DPY19L4: variants seen among roughly 807,000 people sequenced by gnomAD.
DPY19L4 encodes the protein probable C-mannosyltransferase DPY19L4.
DPY19L4 carries 97 observed loss-of-function variants against 102.8 expected under a neutral mutation model. The ratio of observed to expected loss-of-function variants is 0.94; its 90% CI spans 0.80 to 1.12. The LOEUF is 1.12. Ranked by LOEUF, DPY19L4 falls within the 50% of genes most tolerant of loss-of-function variation. The pLI is 0.00. For missense variants in DPY19L4, 815 were observed against 850.4 expected, an observed-to-expected ratio of 0.96 and a Z score of 0.52; for synonymous variants, 252 against 283.1, an observed-to-expected ratio of 0.89 and a Z score of 1.10.
At chr8:94,780,486 T>C (rs1372730115) in intron 15 of DPY19L4, 71 bp downstream of exon 15, 4 of 1,002,766 alleles carry the variant, frequency 4.0e-6, no homozygotes, top group East Asian at 5.7e-5. Flanking sequence ...TTTATATGTG[T>C]GGGTAGGAAA....
chr8:94,761,707 G>A lies in DPY19L4; in HGVS notation c.743G>A (p.Cys248Tyr). The A allele has an allele frequency of 1.3e-6, 2 of 1,593,584 alleles. No homozygotes were observed. The highest frequency in any genetic ancestry group is 1.7e-6 in the Non-Finnish European group (2 of 1,173,062). Residue 248 changes from cysteine (C) to tyrosine (Y), a missense_variant, in exon 8 of 19, where the codon TGC becomes TAC. Transcript: ENST00000414645. ...TTCATTTGTTTTCCCTAGAGGTTTT[G>A]CTACTTGTTGATGAGTGCTTCAACT... ...SNLNTYGERF[C>Y]YLLMSASTYT...
chr8:94,789,524 C>G (rs1290449208), intron 18 of DPY19L4, among the ~76,000 whole-genome samples: 2 of 151,986 alleles, frequency 1.3e-5, no homozygotes, highest in African/African-American at 2.4e-5. Context: ...AAATTGGAAA[C>G]CTTTGTGCTG....
At chr8:94,768,276 T>A in intron 11 of DPY19L4, 119 bp from the exon 12 acceptor site, 2 of 732,624 alleles carry the variant, frequency 2.7e-6, no homozygotes, top group Non-Finnish European at 2.2e-6. Flanking sequence ...CTTGCTAATA[T>A]AAGTAAACGG....
intron 16 of DPY19L4, among the ~76,000 whole-genome samples, chr8:94,781,751 A>G (rs1359760403): frequency 1.3e-5 from 2 of 152,248 alleles, no homozygotes; most frequent in African/African-American, 2.4e-5. Context: ...TCTCTCTTGC[A>G]TTCATCTCTT....
At chr8:94,756,273 C>G in intron 7 of DPY19L4, 114 bp downstream of exon 7, 2 of 1,374,228 alleles carry the variant, frequency 1.5e-6, no homozygotes, top group Non-Finnish European at 2.0e-6. Context: ...TTTAATGAAG[C>G]CTGGTTACTA....
rs778540423 is a variant in DPY19L4 at position 94,788,095 on chromosome 8, A to ATATATATATATATATATATATATTTTTT, written c.2007+44_2007+45insATATATATATATATATATATATTTTTTT. Reference sequence around the variant, plus strand: ...AAGTTATATATATGTATATATATATATTTTTTTTTTAGAAAAATGACTTTA... The same window carrying ATATATATATATATATATATATATTTTTT: ...AAGTTATATATATGTATATATATATATATATATATATATATATATATATTTTTTTTTTTTTTTTAGAAAAATGACTTTA... On this transcript the variant is annotated intron_variant, in intron 18 of 18. Transcript: ENST00000414645. The ATATATATATATATATATATATATTTTTT allele has an allele frequency of 1.8e-5, 17 of 939,244 alleles. No individual in the cohort carries two copies. In the African/African-American group the frequency reaches 4.0e-4, roughly 22 times the overall value. The allele number at this position is 939,244 out of a possible 1,614,324, so 58.2% of individuals were successfully genotyped here.
At chr8:94,752,669 A>AT (rs564060608) in intron 6 of DPY19L4, among the ~76,000 whole-genome samples, 2,834 of 127,702 alleles carry the variant, frequency 0.022, 67 homozygotes, top group African/African-American at 0.059. Context: ...TTTTTTTACG[A>AT]TTTTTTTTTT....
At chr8:94,783,949 T>A (rs4236830) in intron 17 of DPY19L4, 147 bp downstream of exon 17, 766,721 of 888,952 alleles carry the variant, frequency 0.86, 331,650 homozygotes, top group East Asian at 0.96. Flanking sequence ...AAAAACCTTT[T>A]TAATTAATAA....
intron 11 of DPY19L4, among the ~76,000 whole-genome samples, chr8:94,768,184 C>T (rs1812761385): frequency 6.6e-6 from 1 of 152,116 alleles, no homozygotes; most frequent in African/African-American, 2.4e-5. Context: ...AGCAGTTTTA[C>T]ATTTATTAGA....
chr8:94,765,690 C>T (rs1354716196), intron 9 of DPY19L4, 21 bp from the exon 10 acceptor site: 1 of 1,520,850 alleles, frequency 6.6e-7, no homozygotes, highest in Non-Finnish European at 9.1e-7. Context: ...CTTCTTTGTT[C>T]ATATGATTTT....
Position 94,766,680 on chromosome 8 carries a change from G to A in DPY19L4, c.1170G>A (p.Met390Ile). 1 of 1,612,556 alleles carries A rather than the reference G, an allele frequency of 6.2e-7. No individual in the cohort carries two copies. Among genetic ancestry groups the A allele is most frequent in the Non-Finnish European group, 8.5e-7 (1 of 1,179,040 alleles). ...KFLEVKFGLN[M>I]TKNFTMNWLL... is the part of the protein sequence containing the mutation. ...TTGAAGTAAAATTTGGACTAAATATGACCAAGTAAGTTTTAGATTATGTAA... is the reference window on the plus strand; with the variant it reads ...TTGAAGTAAAATTTGGACTAAATATAACCAAGTAAGTTTTAGATTATGTAA... The change falls in exon 11 of 19, where the codon ATG becomes ATA. Residue 390 changes from methionine (M) to isoleucine (I), a missense_variant. By Grantham distance (10) the Met-to-Ile change is conservative. Coordinates refer to ENST00000414645, the MANE Select transcript of DPY19L4 (RefSeq NM_181787.3).
chr8:94,787,949 C>T lies in DPY19L4; in HGVS notation c.1904C>T (p.Ser635Phe). The change falls in exon 18 of 19, where the codon TCT becomes TTT. Residue 635 changes from serine to phenylalanine, a missense_variant. Physicochemically the swap from Ser to Phe is radical, Grantham distance 155. Transcript: ENST00000414645. Reference sequence around the variant, plus strand: ...GAGGATATTTATAAAATACTGACATCTTACAAAGCTAATTACCTAATTGTA... The same window carrying T: ...GAGGATATTTATAAAATACTGACATTTTACAAAGCTAATTACCTAATTGTA... ...SAEDIYKILTSYKANYLIVED... is the reference protein window; with the variant it reads ...SAEDIYKILTFYKANYLIVED... The T allele has an allele frequency of 6.6e-7, 1 of 1,510,886 alleles. No individual in the cohort carries two copies. The highest frequency in any genetic ancestry group is 8.9e-7 in the Non-Finnish European group (1 of 1,128,744). The allele number at this position is 1,510,886 out of a possible 1,614,324, so 93.6% of individuals were successfully genotyped here.
chr8:94,741,359 T>C (rs1170932323), intron 6 of DPY19L4, among the ~76,000 whole-genome samples: 1 of 152,208 alleles, frequency 6.6e-6, no homozygotes, highest in African/African-American at 2.4e-5. Context: ...TTGTAACCTT[T>C]GCCTTAAAGT....
chr8:94,739,424 C>G lies in DPY19L4; in HGVS notation c.355C>G (p.Leu119Val). ...CTTTCTGTCTTTAGGTGTTTACGAACTGACACACAATAACAAAACTGTATC... is the reference window on the plus strand; with the variant it reads ...CTTTCTGTCTTTAGGTGTTTACGAAGTGACACACAATAACAAAACTGTATC... ...APSFERGVYE[L>V]THNNKTVSLK... is the part of the protein sequence containing the mutation. Residue 119 changes from leucine to valine, a missense_variant, in exon 5 of 19, where the codon CTG becomes GTG. Leu to Val is a conservative substitution (Grantham distance 32, BLOSUM62 1). Transcript: ENST00000414645. The G allele has an allele frequency of 6.3e-7, 1 of 1,580,888 alleles. No homozygotes were observed. The highest frequency in any genetic ancestry group is 8.6e-7 in the Non-Finnish European group (1 of 1,169,018).
intron 13 of DPY19L4, among the ~76,000 whole-genome samples, chr8:94,773,471 G>A (rs888623867): frequency 4.0e-5 from 6 of 151,114 alleles, no homozygotes; most frequent in Middle Eastern, 3.4e-3. Flanking sequence ...AGTCTTTGTC[G>A]CCCAGGCTGG....
intron 1 of DPY19L4, among the ~76,000 whole-genome samples, chr8:94,720,452 C>T (rs1225127232): frequency 1.3e-5 from 2 of 152,106 alleles, no homozygotes; most frequent in African/African-American, 4.8e-5. Flanking sequence ...GGAACATTCA[C>T]CACGGGGATA....
intron 6 of DPY19L4, among the ~76,000 whole-genome samples, chr8:94,743,790 G>A (rs1343065133): frequency 6.6e-6 from 1 of 152,174 alleles, no homozygotes; most frequent in Non-Finnish European, 1.5e-5. Flanking sequence ...TGGATCACTT[G>A]AGGTCAGGAG....
rs376676802 is a variant in DPY19L4, at chr8:94,766,725, A to C, written c.1175+40A>C. The C allele has an allele frequency of 6.6e-5, 102 of 1,545,104 alleles. No individual in the cohort carries two copies. The African/African-American group carries it at 1.4e-3, about 21-fold the overall frequency. ...ATGTAAGTTTACCTAAATCGATACC[A>C]CTTAGAAAATAAAGATAAAAAATAC... On this transcript the variant is annotated intron_variant, in intron 11 of 18. Transcript: ENST00000414645.
At chr8:94,754,852 G>A (rs111371943) in intron 6 of DPY19L4, among the ~76,000 whole-genome samples, 89 of 152,216 alleles carry the variant, frequency 5.8e-4, no homozygotes, top group African/African-American at 1.9e-3. Context: ...GCAGTGGTGC[G>A]ATCTCTGCTC....
Sources: gnomAD v4.1 joint callset for allele counts (sites outside exome capture counted in the v4.1 genomes callset) on GRCh38, gnomAD v4.1.1 for gene constraint, MANE v1.5 for transcripts, NCBI Gene and HGNC (gene_info 2026-07-23, HGNC 2026-07-21) for gene names.